The following DNM3 variants were observed in gnomAD, a reference collection of about 807,000 sequenced individuals.
The protein encoded by DNM3 is dynamin 3.
A neutral mutation model predicts 101.6 loss-of-function variants in DNM3; 47 were observed. The observed-to-expected ratio is 0.46, with a 90% confidence interval of 0.37 to 0.59. The LOEUF is 0.59. Ranked by LOEUF, DNM3 falls within the 20% of genes least tolerant of loss-of-function variation. DNM3 has a pLI of 0.00. For missense variants in DNM3, 849 were observed against 1,085.7 expected (o/e 0.78, Z 3.06); for synonymous variants, 385 against 387.9 (o/e 0.99, Z 0.09).
rs2071059738 is a variant in DNM3, at chr1:172,408,836, A to G, written c.*995A>G. The G allele has an allele frequency of 4.1e-6, 4 of 985,100 alleles. No homozygotes were observed. Among genetic ancestry groups the G allele is most frequent in the Admixed American group, 1.2e-4 (2 of 16,226 alleles). The allele number at this position is 985,100 out of a possible 1,614,324, so 61.0% of individuals were successfully genotyped here. On this transcript the variant is annotated 3_prime_UTR_variant, in exon 21 of 21. Coordinates refer to ENST00000627582, the MANE Select transcript of DNM3 (RefSeq NM_015569.5). ...CTTGAAACAGGCTCAGTGTAACTGT[A>G]TATCCATTCTAGGCTTTCTTAATAA...
intron 4 of DNM3, among the ~76,000 whole-genome samples, chr1:172,004,417 C>T (rs964896533): frequency 3.3e-5 from 5 of 151,974 alleles, no homozygotes; most frequent in African/African-American, 9.7e-5. Flanking sequence ...CAATAGCCAG[C>T]GGACTGGATA....
chr1:172,378,938 G>T, intron 17 of DNM3, 80 bp from the exon 18 acceptor site: 1 of 1,426,874 alleles, frequency 7.0e-7, no homozygotes, highest in South Asian at 1.4e-5. Flanking sequence ...ATCAGAAGTT[G>T]ATAATCTGAT....
intron 1 of DNM3, among the ~76,000 whole-genome samples, chr1:171,856,076 T>C (rs1369540479): frequency 6.6e-6 from 1 of 152,224 alleles, no homozygotes; most frequent in Non-Finnish European, 1.5e-5. Flanking sequence ...GCTTCAATCT[T>C]CTGCATATGG....
chr1:172,223,891 T>A (rs888457857), intron 14 of DNM3, among the ~76,000 whole-genome samples: 1 of 152,188 alleles, frequency 6.6e-6, no homozygotes, highest in Non-Finnish European at 1.5e-5. Context: ...TGTGTCACTT[T>A]GTCTGGGCCA....
chr1:172,377,553 C>CATATATATATCTATATATATATATAT (rs2068667826), intron 17 of DNM3, among the ~76,000 whole-genome samples: 1 of 123,436 alleles, frequency 8.1e-6, no homozygotes, highest in African/African-American at 3.6e-5. Context: ...TGATATATAT[C>CATATATATATCTATATATATATATAT]ATATATATAT....
intron 14 of DNM3, among the ~76,000 whole-genome samples, chr1:172,145,576 T>A (rs1199067261): frequency 1.3e-5 from 2 of 152,116 alleles, no homozygotes; most frequent in Non-Finnish European, 2.9e-5. Context: ...GAGTAATTAG[T>A]TCCACATGTG....
chr1:172,283,688 A>C (rs962888048), intron 15 of DNM3, among the ~76,000 whole-genome samples: 25 of 143,934 alleles, frequency 1.7e-4, no homozygotes, highest in African/African-American at 6.4e-4. Flanking sequence ...TGAAACCAGG[A>C]GGCGGAGGTT....
At chr1:172,171,960 G>T (rs1030232553) in intron 14 of DNM3, among the ~76,000 whole-genome samples, 9 of 151,784 alleles carry the variant, frequency 5.9e-5, no homozygotes, top group Non-Finnish European at 1.2e-4. Context: ...AGGTTTGGGA[G>T]CATCAAAGAA....
At chr1:171,932,492 T>C (rs1482187291) in intron 2 of DNM3, among the ~76,000 whole-genome samples, 1 of 152,134 alleles carries the variant, frequency 6.6e-6, no homozygotes, top group African/African-American at 2.4e-5. Flanking sequence ...TATTTCTTAG[T>C]AAAAAAATTT....
intron 14 of DNM3, among the ~76,000 whole-genome samples, chr1:172,149,384 C>G (rs1244323824): frequency 6.6e-6 from 1 of 152,094 alleles, no homozygotes; most frequent in Non-Finnish European, 1.5e-5. Flanking sequence ...CTATTGGATA[C>G]CAGTCGCAAG....
chr1:172,317,747 A>G (rs1268505062), intron 16 of DNM3, among the ~76,000 whole-genome samples: 6 of 152,226 alleles, frequency 3.9e-5, no homozygotes, highest in African/African-American at 1.4e-4. Context: ...GCAATAATCA[A>G]TAGCTTACCA....
chr1:172,131,610 C>T (rs1416121081), intron 14 of DNM3, among the ~76,000 whole-genome samples: 5 of 152,012 alleles, frequency 3.3e-5, no homozygotes, highest in Admixed American at 6.6e-5. Context: ...AAACAATTTT[C>T]GTTAAAGAAA....
intron 2 of DNM3, among the ~76,000 whole-genome samples, chr1:171,948,890 T>C (rs896362111): frequency 6.6e-6 from 1 of 152,196 alleles, no homozygotes; most frequent in African/African-American, 2.4e-5. Context: ...AAATGCAGTG[T>C]TATGTGACTT....
chr1:172,151,937 G>T (rs1449934092), intron 14 of DNM3, among the ~76,000 whole-genome samples: 1 of 152,134 alleles, frequency 6.6e-6, no homozygotes, highest in Non-Finnish European at 1.5e-5. Context: ...GTGCAGTGGT[G>T]CAGTAATGGC....
intron 17 of DNM3, among the ~76,000 whole-genome samples, chr1:172,372,340 A>G (rs1286432247): frequency 6.6e-6 from 1 of 151,950 alleles, no homozygotes; most frequent in Non-Finnish European, 1.5e-5. Context: ...ATTCACAATA[A>G]TATGAAAAAT....
intron 14 of DNM3, among the ~76,000 whole-genome samples, chr1:172,141,789 C>G (rs758763669): frequency 6.6e-6 from 1 of 152,082 alleles, no homozygotes; most frequent in Non-Finnish European, 1.5e-5. Context: ...AGCCTATTGA[C>G]TAACTACAGG....
chr1:172,135,071 T>G (rs2057141943), intron 14 of DNM3, among the ~76,000 whole-genome samples: 1 of 152,164 alleles, frequency 6.6e-6, no homozygotes, highest in African/African-American at 2.4e-5. Flanking sequence ...TATTGCTTTC[T>G]ACATCTATTG....
At chr1:172,043,628 A>G (rs963677742) in intron 8 of DNM3, among the ~76,000 whole-genome samples, 3 of 152,056 alleles carry the variant, frequency 2.0e-5, no homozygotes, top group Admixed American at 6.6e-5. Flanking sequence ...AGGCTACAGG[A>G]GGGGGTGATC....
intron 4 of DNM3, among the ~76,000 whole-genome samples, chr1:171,995,331 C>T (rs966106738): frequency 4.6e-5 from 7 of 151,926 alleles, no homozygotes; most frequent in African/African-American, 1.7e-4. Flanking sequence ...TCTTGTACTC[C>T]TGACCTCAAG....
Sources: allele counts gnomAD v4.1 joint callset (sites outside exome capture counted in the v4.1 genomes callset), GRCh38; gene constraint gnomAD v4.1.1; transcripts MANE v1.5; gene names NCBI Gene and HGNC (gene_info 2026-07-23, HGNC 2026-07-21).